The following NEBL variants were observed in gnomAD, a reference collection of about 807,000 sequenced individuals.
NEBL encodes nebulette.
NEBL carries 122 observed loss-of-function variants against 140.2 expected under a neutral mutation model. The ratio of observed to expected loss-of-function variants is 0.87; its 90% CI spans 0.75 to 1.01. The LOEUF (loss-of-function observed/expected upper bound fraction) is 1.01. Among genes scored for constraint, NEBL ranks in the 50% least tolerant of loss-of-function variants. NEBL has a pLI of 0.00. For missense variants in NEBL, 1,365 were observed against 1,231.3 expected (o/e 1.11, Z -1.62); for synonymous variants, 436 against 398.9 (o/e 1.09, Z -1.11).
At chr10:21,273,372 A>G (rs1842881481) in intron 1 of NEBL, among the ~76,000 whole-genome samples, 1 of 152,194 alleles carries the variant, frequency 6.6e-6, no homozygotes, top group African/African-American at 2.4e-5. Flanking sequence ...TCATTTCTGT[A>G]TAAGAATAAA....
intron 2 of NEBL, among the ~76,000 whole-genome samples, chr10:21,048,714 G>T (rs1362238804): frequency 6.6e-6 from 1 of 152,116 alleles, no homozygotes; most frequent in Non-Finnish European, 1.5e-5. Flanking sequence ...TAAAGGTCTA[G>T]GCCGGGCACA....
chr10:20,900,845 G>GAA (rs371663324), upstream of NEBL, among the ~76,000 whole-genome samples: 212 of 103,398 alleles, frequency 2.1e-3, 2 homozygotes, highest in African/African-American at 3.7e-3. Context: ...ACTCCATCCC[G>GAA]AAAAAAAAAG....
chr10:20,858,711 G>A (rs937003205), intron 8 of NEBL, among the ~76,000 whole-genome samples: 2 of 151,990 alleles, frequency 1.3e-5, no homozygotes. Context: ...GGATTTTGAT[G>A]TTTCCCATCC....
At chr10:20,918,191 G>T (rs555725337) in intron 4 of NEBL, among the ~76,000 whole-genome samples, 1 of 151,930 alleles carries the variant, frequency 6.6e-6, no homozygotes, top group Non-Finnish European at 1.5e-5. Flanking sequence ...AAACCCTGTC[G>T]CTACTAAAAT....
At chr10:20,961,716 G>A (rs1836057404) in exon 4 of NEBL, 3 of 1,613,892 alleles carry the variant, frequency 1.9e-6, no homozygotes, top group Non-Finnish European at 2.5e-6. Context: ...TGTAGCTCAG[G>A]AGTGTCCGTG....
chr10:20,965,913 G>T (rs982272311), intron 3 of NEBL, among the ~76,000 whole-genome samples: 1 of 152,156 alleles, frequency 6.6e-6, no homozygotes, highest in African/African-American at 2.4e-5. Context: ...AACGGAGCAG[G>T]AAGGACAAAG....
rs543752279 is a variant in NEBL at position 20,939,732 on chromosome 10, G to C, written c.357+21940C>G. Among the ~76,000 whole-genome samples, 8 of 152,220 alleles carry C rather than the reference G, an allele frequency of 5.3e-5. 1 individual carries two copies. In the South Asian group the frequency reaches 1.7e-3, roughly 32 times the overall value. ...ACACATAGGCTCAAAATAAAGGGAT[G>C]GAGGAAGATCTACCAAGCAAATGGA... On this transcript the variant is annotated intron_variant, in intron 4 of 6. Transcript: ENST00000417816.
chr10:21,290,512 C>G lies in NEBL; in HGVS notation n.182+2318G>C, dbSNP rs1040442078. On this transcript the variant is annotated intron_variant and non_coding_transcript_variant, in intron 1 of 8. Coordinates refer to the NEBL transcript ENST00000675702. Reference sequence around the variant, plus strand: ...ATACAATTGTCTTAATAGCCCCTTCCTAGGAATCTTATCAAATAACCAAGA... The same window carrying G: ...ATACAATTGTCTTAATAGCCCCTTCGTAGGAATCTTATCAAATAACCAAGA... 3.3e-5 allele frequency among the ~76,000 whole-genome samples: 5 copies of G among 152,138 alleles called. No individual in the cohort carries two copies. The East Asian group carries it at 7.7e-4, about 23-fold the overall frequency.
chr10:20,863,101 G>A (rs788994), intron 7 of NEBL, among the ~76,000 whole-genome samples: 33,557 of 151,958 alleles, frequency 0.22, 4,148 homozygotes, highest in East Asian at 0.43. Context: ...GAGAAAACAC[G>A]GATACTGTTA....
At chr10:21,061,517 T>G (rs148581852) in intron 2 of NEBL, among the ~76,000 whole-genome samples, 1,875 of 148,010 alleles carry the variant, frequency 0.013, 23 homozygotes, top group Non-Finnish European at 0.021. Flanking sequence ...CATTATATAT[T>G]ATATATCACA....
chr10:21,255,824 C>T (rs182847544), intron 1 of NEBL, among the ~76,000 whole-genome samples: 3 of 151,854 alleles, frequency 2.0e-5, no homozygotes, highest in African/African-American at 4.8e-5. Context: ...GGTGAAACCC[C>T]ATCTCTACTA....
At chr10:21,198,022 C>T (rs1436292948) in intron 3 of NEBL, among the ~76,000 whole-genome samples, 1 of 152,118 alleles carries the variant, frequency 6.6e-6, no homozygotes, top group East Asian at 1.9e-4. Context: ...TCATGAAACT[C>T]TGTCTCTGCT....
At chr10:21,106,018 C>T (rs1355946269) in intron 2 of NEBL, among the ~76,000 whole-genome samples, 1 of 151,946 alleles carries the variant, frequency 6.6e-6, no homozygotes, top group African/African-American at 2.4e-5. Flanking sequence ...TCCTTTCCCA[C>T]TTTTTGATGG....
chr10:21,213,816 T>C (rs1010531481), intron 3 of NEBL, among the ~76,000 whole-genome samples: 1 of 152,200 alleles, frequency 6.6e-6, no homozygotes, highest in Non-Finnish European at 1.5e-5. Context: ...CCAACGAATA[T>C]CTACACATTA....
intron 3 of NEBL, among the ~76,000 whole-genome samples, chr10:21,198,627 A>C (rs1401152022): frequency 2.6e-5 from 4 of 152,272 alleles, no homozygotes; most frequent in South Asian, 2.1e-4. Flanking sequence ...CTTATTCCAG[A>C]AGTCCCTTTG....
In NEBL at chr10:20,953,927, G is replaced by A. The variant is rs536413727; in HGVS notation, c.357+7745C>T. Reference sequence around the variant, plus strand: ...TAGGCATAACCGATCTTGCATTGAAGGGGTAGACTCATTCCTTGCTCCACT... The same window carrying A: ...TAGGCATAACCGATCTTGCATTGAAAGGGTAGACTCATTCCTTGCTCCACT... On this transcript the variant is annotated intron_variant, in intron 4 of 6. Transcript: ENST00000417816. Among the ~76,000 whole-genome samples the A allele has an allele frequency of 9.9e-5, 15 of 151,430 alleles. No individual in the cohort carries two copies. In the South Asian group the frequency reaches 2.1e-3, roughly 21 times the overall value.
Position 20,814,040 on chromosome 10 carries a change from T to G in NEBL, c.2245A>C (p.Lys749Gln). 6.3e-7 allele frequency: 1 copy of G among 1,576,070 alleles called. No individual in the cohort carries two copies. Among genetic ancestry groups the G allele is most frequent in the Non-Finnish European group, 8.7e-7 (1 of 1,145,582 alleles). The change falls in exon 23 of 28, where the codon AAA becomes CAA. Residue 749 changes from lysine (K) to glutamine (Q), a missense_variant. By Grantham distance (53) the Lys-to-Gln change is moderately conservative. Transcript: ENST00000377122. ...ATCTGTTTATGGTCCTGGGTATATT[T>G]TACCTGCAAAGTAAATAGTAGGCAT... ...KKNQENISSVKYTQDHKQMKG... is the reference protein window; with the variant it reads ...KKNQENISSVQYTQDHKQMKG...
At chr10:21,009,196 T>C (rs1838243632) in intron 3 of NEBL, among the ~76,000 whole-genome samples, 1 of 152,230 alleles carries the variant, frequency 6.6e-6, no homozygotes, top group South Asian at 2.1e-4. Flanking sequence ...ATTGAGGCTC[T>C]ATGACTGCCT....
intron 2 of NEBL, chr10:21,020,223 G>A: frequency 1.3e-6 from 2 of 1,592,532 alleles, no homozygotes; most frequent in Non-Finnish European, 8.6e-7. Flanking sequence ...TTTTTTAAAA[G>A]GACATAATTA....
Sources: allele counts gnomAD v4.1 joint callset (sites outside exome capture counted in the v4.1 genomes callset), GRCh38; gene constraint gnomAD v4.1.1; transcripts MANE v1.5; gene names NCBI Gene and HGNC (gene_info 2026-07-23, HGNC 2026-07-21).